The following SLC25A40 variants were observed in gnomAD, a reference collection of about 807,000 sequenced individuals.
The protein encoded by SLC25A40 is mitochondrial glutathione transporter SLC25A40.
SLC25A40 carries 41 observed loss-of-function variants against 46.5 expected under a neutral mutation model. The observed-to-expected ratio is 0.88, with a 90% CI of 0.69 to 1.14. The LOEUF is 1.14. SLC25A40 is among the 50% of genes most tolerant of loss of function. SLC25A40 has a pLI of 0.00. For synonymous variants in SLC25A40, 126 were observed against 127.5 expected, an observed-to-expected ratio of 0.99 and a Z score of 0.08; for missense variants, 386 against 393.6, an observed-to-expected ratio of 0.98 and a Z score of 0.16.
At chr7:87,867,333 G>C (rs1298857978) in intron 1 of SLC25A40, among the ~76,000 whole-genome samples, 1 of 152,112 alleles carries the variant, frequency 6.6e-6, no homozygotes, top group East Asian at 1.9e-4. Flanking sequence ...CAAATAGCCT[G>C]TCCTTTAGCT....
intron 6 of SLC25A40, 23 bp from the exon 7 acceptor site, chr7:87,848,000 T>G (rs1446312953): frequency 6.3e-7 from 1 of 1,584,078 alleles, no homozygotes; most frequent in Non-Finnish European, 8.5e-7. Flanking sequence ...ACAAAAAGAT[T>G]TGTTCAAAAT....
At chr7:87,839,355 C>T (rs556758605) in intron 10 of SLC25A40, among the ~76,000 whole-genome samples, 12 of 146,808 alleles carry the variant, frequency 8.2e-5, no homozygotes, top group South Asian at 2.1e-4. Context: ...TTAAAACCAA[C>T]GTACTATTTA....
chr7:87,874,127 T>C (rs1026416503), intron 1 of SLC25A40, among the ~76,000 whole-genome samples: 1 of 152,224 alleles, frequency 6.6e-6, no homozygotes, highest in Non-Finnish European at 1.5e-5. Context: ...AAACTAACCT[T>C]GGATAATAGA....
intron 1 of SLC25A40, among the ~76,000 whole-genome samples, chr7:87,865,777 GA>G (rs59010394): frequency 6.7e-4 from 101 of 150,268 alleles, no homozygotes; most frequent in African/African-American, 1.9e-3. Flanking sequence ...GTCTCGGGGG[GA>G]AAAAAAAAGA....
intron 1 of SLC25A40, among the ~76,000 whole-genome samples, chr7:87,874,506 G>C (rs566566467): frequency 1.2e-4 from 18 of 152,144 alleles, no homozygotes; most frequent in Middle Eastern, 3.4e-3. Context: ...ACTTATCTCT[G>C]CCACCTACTC....
chr7:87,849,292 G>T (rs148119214), intron 6 of SLC25A40, among the ~76,000 whole-genome samples: 197 of 152,234 alleles, frequency 1.3e-3, no homozygotes, highest in African/African-American at 4.6e-3. Context: ...GACAACTCGT[G>T]AGAATATATC....
intron 1 of SLC25A40, among the ~76,000 whole-genome samples, chr7:87,875,007 T>TC (rs1414202674): frequency 1.3e-5 from 2 of 152,198 alleles, no homozygotes; most frequent in African/African-American, 4.8e-5. Context: ...CATTTTGTGC[T>TC]CTCTGTAGCT....
intron 1 of SLC25A40, among the ~76,000 whole-genome samples, chr7:87,864,053 C>G (rs1459633052): frequency 1.3e-5 from 2 of 152,178 alleles, no homozygotes; most frequent in Non-Finnish European, 1.5e-5. Context: ...TCTCATTTTA[C>G]AAATGTTCTG....
At position 87,835,942 on chromosome 7, in the gene SLC25A40, A is replaced by T; in HGVS notation, c.*307T>A. ...TGGTGTATTCAACACACTCCCAGTA[A>T]GATTATGTTACACTGAAACATATAA... is the stretch of plus-strand genomic sequence containing the variant. On this transcript the variant is annotated 3_prime_UTR_variant, in exon 12 of 12. Transcript: ENST00000341119. 4.5e-6 allele frequency: 1 copy of T among 223,786 alleles called. No individual in the cohort carries two copies. Among genetic ancestry groups the T allele is most frequent in the Non-Finnish European group, 8.7e-6 (1 of 115,236 alleles). The allele number at this position is 223,786 out of a possible 1,614,324, so 13.9% of individuals were successfully genotyped here. A position where few individuals can be genotyped will look rare whatever the true frequency, so the allele number is the denominator to read the frequency against.
rs527781383 is a variant in SLC25A40, at chr7:87,844,727, C to T, written c.632-864G>A. ...GCTAATAGAAAAAAATCAATTGCAA[C>T]TGCACAAGCTACAAAGATTTAATTT... On this transcript the variant is annotated intron_variant, in intron 8 of 11. Transcript: ENST00000341119. Among the ~76,000 whole-genome samples, 12 of 151,696 alleles carry T rather than the reference C, an allele frequency of 7.9e-5. No individual in the cohort carries two copies. The South Asian group carries it at 2.5e-3, about 32-fold the overall frequency.
At chr7:87,859,577 C>T (rs1436013992) in intron 2 of SLC25A40, among the ~76,000 whole-genome samples, 1 of 152,120 alleles carries the variant, frequency 6.6e-6, no homozygotes, top group African/African-American at 2.4e-5. Context: ...TAATCAAACA[C>T]ACGTACACTT....
chr7:87,842,125 C>T (rs962844472), intron 9 of SLC25A40: 12 of 253,946 alleles, frequency 4.7e-5, no homozygotes, highest in South Asian at 1.6e-4. Flanking sequence ...TTCCAGCAAA[C>T]GCTTTTAAAA....
intron 1 of SLC25A40, among the ~76,000 whole-genome samples, chr7:87,862,073 C>T (rs10237097): frequency 0.14 from 21,913 of 151,992 alleles, 2,533 homozygotes; most frequent in African/African-American, 0.32. Flanking sequence ...GGTAGAAAAT[C>T]TGAGAAGTGA....
intron 2 of SLC25A40, chr7:87,860,173 G>A (rs1464440788): frequency 6.6e-6 from 1 of 152,074 alleles, no homozygotes; most frequent in African/African-American, 2.4e-5. Flanking sequence ...CTCCAGCCTA[G>A]GTGACAGAGA....
At chr7:87,841,165 A>G (rs1382863694) in intron 10 of SLC25A40, among the ~76,000 whole-genome samples, 70 of 146,842 alleles carry the variant, frequency 4.8e-4, no homozygotes, top group Middle Eastern at 3.6e-3. Flanking sequence ...GTGTGTATAT[A>G]TATATATATA....
In SLC25A40 at chr7:87,876,340, A is replaced by G. The variant is rs1049008792; in HGVS notation, c.-338T>C. 3 of 182,190 alleles carry G rather than the reference A, an allele frequency of 1.6e-5. No homozygotes were observed. Among genetic ancestry groups the G allele is most frequent in the African/African-American group, 2.4e-5 (1 of 42,368 alleles). The allele number at this position is 182,190 out of a possible 1,614,324, so 11.3% of individuals were successfully genotyped here. A position where few individuals can be genotyped will look rare whatever the true frequency, so the allele number is the denominator to read the frequency against. ...AGGCGGAAACACAACCTGCAGGGCC[A>G]GAGCGAGGCGCGAGAAGGACGGCGG... On this transcript the variant is annotated 5_prime_UTR_variant, in exon 1 of 12. Transcript: ENST00000341119.
rs192771636 is a variant in SLC25A40, at chr7:87,876,260, C to A, written c.-258G>T. 422 of 156,372 alleles carry A rather than the reference C, an allele frequency of 2.7e-3. 3 individuals are homozygous for A. The highest frequency in any genetic ancestry group is 9.6e-3 in the African/African-American group (401 of 41,670). 9.7% of individuals were successfully genotyped at this position (156,372 alleles called of 1,614,324 possible). A position where few individuals can be genotyped will look rare whatever the true frequency, so the allele number is the denominator to read the frequency against. ...GAGGCTGCGCCAAGACCTGAAGCGG[C>A]GGACCGAGAGCCCGGGTCTGAGACT... On this transcript the variant is annotated 5_prime_UTR_variant, in exon 1 of 12. Transcript: ENST00000341119.
At chr7:87,871,138 G>C (rs1011954351) in intron 1 of SLC25A40, among the ~76,000 whole-genome samples, 1 of 152,198 alleles carries the variant, frequency 6.6e-6, no homozygotes, top group Non-Finnish European at 1.5e-5. Context: ...TGTGAGGGGT[G>C]GAACAGCGAG....
At position 87,846,976 on chromosome 7, in the gene SLC25A40, T is replaced by C. The variant is rs1273289733; in HGVS notation, c.604A>G (p.Thr202Ala). 4 of 1,613,224 alleles carry C rather than the reference T, an allele frequency of 2.5e-6. No individual in the cohort carries two copies. The highest frequency in any genetic ancestry group is 2.2e-5 in the South Asian group (2 of 91,000). The change falls in exon 8 of 12, where the codon ACT becomes GCT. Residue 202 changes from threonine to alanine, a missense_variant. Coordinates refer to ENST00000341119, the MANE Select transcript of SLC25A40 (RefSeq NM_018843.4). ...WISLWRGWAP[T>A]VLRDVPFSAM... ...GAGAAAGGTACATCTCTAAGAACAG[T>C]AGGAGCCCAGCCCCTCCAAAGGGAA...
Sources: gnomAD v4.1 joint callset for allele counts (sites outside exome capture counted in the v4.1 genomes callset) on GRCh38, gnomAD v4.1.1 for gene constraint, MANE v1.5 for transcripts, NCBI Gene and HGNC (gene_info 2026-07-23, HGNC 2026-07-21) for gene names.